Variants in LRRC9 observed in about 807,000 individuals in gnomAD.
The protein encoded by LRRC9 is leucine rich repeat containing 9, also known as leucine-rich repeat-containing protein 9.
LRRC9 carries 122 observed loss-of-function variants against 63.2 expected under a neutral mutation model. That is an observed-to-expected ratio of 1.93 (90% CI 1.67 to 2.24). The LOEUF (loss-of-function observed/expected upper bound fraction) is 2.24, where lower values mean the gene tolerates loss of function less well. Ranked by LOEUF, LRRC9 falls within the 30% of genes most tolerant of loss-of-function variation. The probability of loss-of-function intolerance (pLI) is 0.00; values close to 1 mark genes in which losing one functional copy is unlikely to be tolerated. For synonymous variants in LRRC9, 366 were observed against 213.1 expected (o/e 1.72, Z -6.25); for missense variants, 1,071 against 627.7 (o/e 1.71, Z -7.55).
chr14:60,002,064 A>G lies in LRRC9; in HGVS notation c.2628A>G (p.Gly876=), dbSNP rs1347639290. Residue 876 remains glycine (G), a synonymous_variant, in exon 20 of 32, where the codon GGA becomes GGG. Transcript: ENST00000445360. ...TTCTGACGCAGGTTTCAAAGTTAGG[A>G]CCTCATTTACATCTGAGTGGAAACT... 19 of 702,012 alleles carry G rather than the reference A, an allele frequency of 2.7e-5. No homozygotes were observed. The Admixed American group carries it at 3.8e-4, about 14-fold the overall frequency. 43.5% of individuals were successfully genotyped at this position (702,012 alleles called of 1,614,324 possible).
intron 29 of LRRC9, among the ~76,000 whole-genome samples, chr14:60,041,335 A>C (rs1892925346): frequency 6.6e-6 from 1 of 152,146 alleles, no homozygotes; most frequent in African/African-American, 2.4e-5. Context: ...GTTCTCCTGG[A>C]TAATATCCTG....
At chr14:60,045,002 T>C (rs1026343184) in intron 29 of LRRC9, among the ~76,000 whole-genome samples, 1 of 152,074 alleles carries the variant, frequency 6.6e-6, no homozygotes, top group Non-Finnish European at 1.5e-5. Flanking sequence ...AATGGTTATA[T>C]TGTCTTGCTG....
At position 59,932,562 on chromosome 14, in the gene LRRC9, A is replaced by G. The variant is rs1036238703; in HGVS notation, c.543+523A>G. 2.0e-5 allele frequency among the ~76,000 whole-genome samples: 3 copies of G among 152,046 alleles called. No homozygotes were observed. Among genetic ancestry groups the G allele is most frequent in the Non-Finnish European group, 4.4e-5 (3 of 67,980 alleles). On this transcript the variant is annotated intron_variant, in intron 6 of 31. Transcript: ENST00000445360. This position sits in a 1 kb window ranked among gnomAD's most constrained non-coding sequence, Gnocchi z 4.7. ...CAGTCTTCCTCACCTCTCTAAATGG[A>G]GTCTCCATTCTTGCAGTAACTTAAG...
chr14:59,931,922 T>C lies in LRRC9; in HGVS notation c.473-47T>C, dbSNP rs775578412. On this transcript the variant is annotated intron_variant, in intron 5 of 31. Coordinates refer to ENST00000445360, the Ensembl canonical transcript of LRRC9. Reference sequence around the variant, plus strand: ...TACAACTCAGAAGTATGACAGAATATGAACAGAAGGTAAAATAATTGAATT... The same window carrying C: ...TACAACTCAGAAGTATGACAGAATACGAACAGAAGGTAAAATAATTGAATT... 265 of 692,500 alleles carry C rather than the reference T, an allele frequency of 3.8e-4. 1 individual carries two copies. The highest frequency in any genetic ancestry group is 6.5e-4 in the Non-Finnish European group (249 of 381,218). The allele number at this position is 692,500 out of a possible 1,614,324, so 42.9% of individuals were successfully genotyped here.
intron 27 of LRRC9, among the ~76,000 whole-genome samples, chr14:60,025,679 C>CA (rs4033012): frequency 3.0e-3 from 295 of 97,014 alleles, no homozygotes; most frequent in Middle Eastern, 0.013. Flanking sequence ...ATATATTTTA[C>CA]AAAAAAAAAA....
At chr14:59,950,688 G>C (rs1278233306) in intron 8 of LRRC9, among the ~76,000 whole-genome samples, 7 of 133,570 alleles carry the variant, frequency 5.2e-5, no homozygotes, top group African/African-American at 1.8e-4. Flanking sequence ...TTTAGGGCAG[G>C]CCTGGTGGTG....
At position 60,054,387 on chromosome 14, in the gene LRRC9, A is replaced by ACT. The variant is rs142041036; in HGVS notation, c.4131+1192_4131+1193dup. Among the ~76,000 whole-genome samples the ACT allele has an allele frequency of 7.1e-3, 1,073 of 151,824 alleles. 8 individuals are homozygous for ACT. Among genetic ancestry groups the ACT allele is most frequent in the African/African-American group, 0.024 (1,006 of 41,368 alleles). ...ACTTTGGAAAGTCTGGATAAAGGGC[A>ACT]CTCTCTCTCTCCCCACCCCTTCCAA... On this transcript the variant is annotated intron_variant, in intron 30 of 31. Transcript: ENST00000445360.
rs1445718443 is a variant in LRRC9 at position 59,962,466 on chromosome 14, C to T, written c.1211+1421C>T. ...TCCCCGAGACTGGAGTGCAGTGGCC[C>T]GATCTCAGCTCGCTGCAACCTCTGC... On this transcript the variant is annotated intron_variant, in intron 10 of 31. Transcript: ENST00000445360. The surrounding 1 kb of genome is among the most constrained non-coding windows in gnomAD (Gnocchi z 5.1). Among the ~76,000 whole-genome samples the T allele has an allele frequency of 2.0e-5, 3 of 151,776 alleles. No homozygotes were observed. The highest frequency in any genetic ancestry group is 1.9e-4 in the East Asian group (1 of 5,164).
Position 59,922,848 on chromosome 14 carries a change from T to C in LRRC9, c.-34+2965T>C, listed in dbSNP as rs1237814235. On this transcript the variant is annotated intron_variant, in intron 1 of 31. Transcript: ENST00000445360. This position sits in a 1 kb window ranked among gnomAD's most constrained non-coding sequence, Gnocchi z 5.3. ...GGAAATTGAGGAAAATATAAAACAT[T>C]TGTTGCTGAAGATCTAACTGAAGTT... 6.6e-6 allele frequency among the ~76,000 whole-genome samples: 1 copy of C among 152,200 alleles called. No individual in the cohort carries two copies. The highest frequency in any genetic ancestry group is 1.5e-5 in the Non-Finnish European group (1 of 68,026).
chr14:59,980,546 G>C (rs1006609885), intron 15 of LRRC9, among the ~76,000 whole-genome samples: 1 of 152,028 alleles, frequency 6.6e-6, no homozygotes, highest in African/African-American at 2.4e-5. Context: ...ATTAAAATAT[G>C]ATTGAAATTA....
chr14:59,955,360 G>T (rs753526152), intron 8 of LRRC9, among the ~76,000 whole-genome samples: 3 of 152,098 alleles, frequency 2.0e-5, no homozygotes, highest in East Asian at 1.9e-4. Flanking sequence ...CTTCTTTCTG[G>T]TTTAGTCTTG....
chr14:59,952,355 G>A (rs1883249563), intron 8 of LRRC9, among the ~76,000 whole-genome samples: 3 of 152,130 alleles, frequency 2.0e-5, no homozygotes, highest in South Asian at 4.1e-4. Context: ...GCCTTGCTTC[G>A]GCTCGCGCAC....
At chr14:59,921,704 T>C (rs1404483225) in intron 1 of LRRC9, among the ~76,000 whole-genome samples, 2 of 150,906 alleles carry the variant, frequency 1.3e-5, no homozygotes, top group African/African-American at 4.9e-5. Context: ...AGCTTTTTCA[T>C]GTGGGCAGTT....
chr14:59,947,453 A>G (rs1032309910), intron 8 of LRRC9, among the ~76,000 whole-genome samples: 1 of 123,998 alleles, frequency 8.1e-6, no homozygotes, highest in African/African-American at 3.4e-5. Context: ...CCCATGTTGT[A>G]GGTTGCCTGT....
At chr14:60,044,663 ATTTG>A (rs1227608598) in intron 29 of LRRC9, among the ~76,000 whole-genome samples, 1 of 152,266 alleles carries the variant, frequency 6.6e-6, no homozygotes, top group East Asian at 1.9e-4. Context: ...ACTTGATATT[ATTTG>A]TTTTTCAGAA....
At position 60,006,310 on chromosome 14, in the gene LRRC9, A is replaced by T. The variant is rs957934584; in HGVS notation, c.2843-87A>T. 2.7e-5 allele frequency: 16 copies of T among 602,802 alleles called. No individual in the cohort carries two copies. The African/African-American group carries it at 3.0e-4, about 11-fold the overall frequency. The allele number at this position is 602,802 out of a possible 1,614,324, so 37.3% of individuals were successfully genotyped here. The stretch of plus-strand genomic sequence containing the variant: ...AAAGCCATTTGAACCTAGCTATCTA[A>T]TTACAATAAAATGACCAGCCACTTA... On this transcript the variant is annotated intron_variant, in intron 21 of 31. Transcript: ENST00000445360.
chr14:60,036,547 G>C (rs1209074688), intron 29 of LRRC9, among the ~76,000 whole-genome samples: 1 of 152,076 alleles, frequency 6.6e-6, no homozygotes, highest in African/African-American at 2.4e-5. Flanking sequence ...TTCAAGTTGG[G>C]TTCATCTGGT....
chr14:60,055,745 A>C (rs35832493), intron 30 of LRRC9, among the ~76,000 whole-genome samples: 27,949 of 147,310 alleles, frequency 0.19, 3,375 homozygotes, highest in East Asian at 0.52. Context: ...AAAAAAAAAA[A>C]ACAAAAAAAA....
chr14:60,006,794 G>A (rs1889844878), intron 22 of LRRC9, 177 bp downstream of exon 22: 3 of 438,330 alleles, frequency 6.8e-6, no homozygotes, highest in Middle Eastern at 1.2e-3. Context: ...AAATATATCT[G>A]TGTATACATA....
Sources: allele counts gnomAD v4.1 joint callset (sites outside exome capture counted in the v4.1 genomes callset), GRCh38; gene constraint gnomAD v4.1.1; non-coding constraint Gnocchi (gnomAD v3.1); transcripts MANE v1.5; gene names NCBI Gene and HGNC (gene_info 2026-07-23, HGNC 2026-07-21).